Variants in SPARCL1 observed in about 807,000 individuals in gnomAD.
SPARCL1 encodes the protein SPARC like 1, also known as SPARC-like protein 1.
In SPARCL1, 52 loss-of-function variants were observed where a neutral mutation model predicts 67.1. The observed-to-expected ratio is 0.78, with a 90% CI of 0.62 to 0.98. The LOEUF is 0.98. Ranked by LOEUF, SPARCL1 falls within the 50% of genes least tolerant of loss-of-function variation. The probability of loss-of-function intolerance (pLI) is 0.00; values close to 1 mark genes in which losing one functional copy is unlikely to be tolerated. For missense variants in SPARCL1, 717 were observed against 782.4 expected (o/e 0.92, Z 1.00); for synonymous variants, 226 against 267.8 (o/e 0.84, Z 1.52).
chr4:87,503,825 T>C (rs1208572018), intron 1 of SPARCL1, among the ~76,000 whole-genome samples: 1 of 151,704 alleles, frequency 6.6e-6, no homozygotes, highest in Non-Finnish European at 1.5e-5. Context: ...ATAACAGACA[T>C]GTGCCACCAT....
At position 87,481,989 on chromosome 4, in the gene SPARCL1, G is replaced by A. The variant is rs116562654; in HGVS notation, c.1668+435C>T. Among the ~76,000 whole-genome samples, 1,272 of 152,222 alleles carry A rather than the reference G, an allele frequency of 8.4e-3. 16 individuals are homozygous for A. Among genetic ancestry groups the A allele is most frequent in the African/African-American group, 0.029 (1,208 of 41,556 alleles). Reference sequence around the variant, plus strand: ...AATGAATTTTCTCTGGAAGCTTTTGGAATCAATGTTCTGTGCTTTTTAATC... The same window carrying A: ...AATGAATTTTCTCTGGAAGCTTTTGAAATCAATGTTCTGTGCTTTTTAATC... On this transcript the variant is annotated intron_variant, in intron 8 of 10. Coordinates refer to ENST00000282470, the MANE Select transcript of SPARCL1 (RefSeq NM_004684.6).
At chr4:87,522,595 C>T (rs975659221) in intron 1 of SPARCL1, among the ~76,000 whole-genome samples, 3 of 151,078 alleles carry the variant, frequency 2.0e-5, no homozygotes, top group Non-Finnish European at 4.4e-5. Flanking sequence ...TTCACGCTGT[C>T]AGAATTCTCT....
chr4:87,503,656 A>G (rs1724939635), intron 1 of SPARCL1, among the ~76,000 whole-genome samples: 1 of 147,492 alleles, frequency 6.8e-6, no homozygotes, highest in South Asian at 2.2e-4. Context: ...TTTGGTTCTA[A>G]CTCAGCAAAT....
At chr4:87,499,663 C>T (rs1375809314) in intron 1 of SPARCL1, 78 bp from the exon 2 acceptor site, 1 of 1,014,476 alleles carries the variant, frequency 9.9e-7, no homozygotes, top group Admixed American at 2.3e-5. Context: ...TTAGCAAATA[C>T]TGAGCTTGAT....
In SPARCL1 at chr4:87,494,515, C is replaced by T. The variant is rs1305649748; in HGVS notation, c.285G>A (p.Leu95=). The T allele has an allele frequency of 1.4e-5, 22 of 1,614,170 alleles. No homozygotes were observed. Among genetic ancestry groups the T allele is most frequent in the Non-Finnish European group, 1.9e-5 (22 of 1,180,022 alleles). The change falls in exon 4 of 11, where the codon CTG becomes CTA. Residue 95 remains leucine (L), a synonymous_variant. Coordinates refer to ENST00000282470, the MANE Select transcript of SPARCL1 (RefSeq NM_004684.6). ...CACTGTCCTCTTGATCCTTCAATCC[C>T]AGCTCTTGGCTAGAACTCTTGCCCT... is the stretch of plus-strand genomic sequence containing the variant. ...AEQGKSSSQE[L]GLKDQEDSDG...
chr4:87,482,636 T>G, intron 7 of SPARCL1, 76 bp from the exon 8 acceptor site: 2 of 1,530,524 alleles, frequency 1.3e-6, no homozygotes, highest in South Asian at 2.3e-5. Context: ...ATAGGAAGCT[T>G]AACGACTTCT....
chr4:87,510,792 C>A (rs946136221), intron 1 of SPARCL1, among the ~76,000 whole-genome samples: 3 of 152,248 alleles, frequency 2.0e-5, no homozygotes, highest in Admixed American at 2.0e-4. Context: ...AAGGCAGTTG[C>A]CCTACGTGAT....
At chr4:87,514,939 T>C (rs956752955) in intron 1 of SPARCL1, among the ~76,000 whole-genome samples, 11 of 152,356 alleles carry the variant, frequency 7.2e-5, no homozygotes, top group Admixed American at 6.5e-4. Context: ...CATTTATTCT[T>C]GGATGAGTAA....
At chr4:87,498,023 T>G (rs1450533193) in intron 2 of SPARCL1, among the ~76,000 whole-genome samples, 1 of 152,194 alleles carries the variant, frequency 6.6e-6, no homozygotes, top group Non-Finnish European at 1.5e-5. Context: ...CCTCCCAAAG[T>G]GCTGGGATTA....
chr4:87,526,691 G>A (rs1054517915), intron 1 of SPARCL1, among the ~76,000 whole-genome samples: 5 of 152,184 alleles, frequency 3.3e-5, no homozygotes, highest in Non-Finnish European at 7.3e-5. Flanking sequence ...CATACACCTG[G>A]CATTCATATT....
At chr4:87,519,702 A>G (rs1725726768) in intron 1 of SPARCL1, among the ~76,000 whole-genome samples, 1 of 152,242 alleles carries the variant, frequency 6.6e-6, no homozygotes, top group South Asian at 2.1e-4. Flanking sequence ...TACAGAAGTG[A>G]CAGAGATTTG....
Position 87,524,904 on chromosome 4 carries a change from T to C in SPARCL1, c.-12+4141A>G, listed in dbSNP as rs1449994781. Reference sequence around the variant, plus strand: ...TCATCTTGGCATGGTGGCTCACACCTGTAATCCCAGCACCTTGGGAGCCTG... The same window carrying C: ...TCATCTTGGCATGGTGGCTCACACCCGTAATCCCAGCACCTTGGGAGCCTG... On this transcript the variant is annotated intron_variant, in intron 1 of 10. Coordinates refer to ENST00000282470, the MANE Select transcript of SPARCL1 (RefSeq NM_004684.6). 2.6e-5 allele frequency among the ~76,000 whole-genome samples: 4 copies of C among 152,162 alleles called. No homozygotes were observed. The East Asian group carries it at 7.7e-4, about 29-fold the overall frequency.
intron 10 of SPARCL1, among the ~76,000 whole-genome samples, chr4:87,478,439 ATT>A (rs71897053): frequency 0.22 from 30,974 of 138,562 alleles, 3,502 homozygotes; most frequent in South Asian, 0.42. Context: ...AACATCTTTC[ATT>A]TTTTTTTTTT....
At chr4:87,495,148 T>C (rs375691771) in intron 2 of SPARCL1, 21 bp from the exon 3 acceptor site, 58 of 1,595,256 alleles carry the variant, frequency 3.6e-5, no homozygotes, top group Non-Finnish European at 4.3e-5. Flanking sequence ...TAAAAACTGG[T>C]TTTTGTTATT....
chr4:87,491,831 G>A (rs1724342086), intron 4 of SPARCL1, 141 bp from the exon 5 acceptor site: 1 of 665,704 alleles, frequency 1.5e-6, no homozygotes, highest in South Asian at 1.7e-5. Context: ...CAGGCTGGGT[G>A]TGGTGGCTCA....
chr4:87,494,627 A>G (rs772774239), intron 3 of SPARCL1, 29 bp from the exon 4 acceptor site: 1 of 1,513,262 alleles, frequency 6.6e-7, no homozygotes, highest in Non-Finnish European at 8.9e-7. Flanking sequence ...TCATTCTTCA[A>G]ACAAATGATA....
intron 1 of SPARCL1, among the ~76,000 whole-genome samples, chr4:87,505,393 A>G (rs1050432254): frequency 3.4e-4 from 51 of 152,080 alleles, no homozygotes; most frequent in African/African-American, 1.2e-3. Context: ...AGCGATGATA[A>G]TTTAAAACAT....
At chr4:87,504,191 G>C (rs151193660) in intron 1 of SPARCL1, among the ~76,000 whole-genome samples, 1,926 of 140,048 alleles carry the variant, frequency 0.014, 24 homozygotes, top group African/African-American at 0.028. Flanking sequence ...GTGGTGGGGT[G>C]GGGGTGGGAG....
At chr4:87,515,739 C>A (rs180741244) in intron 1 of SPARCL1, among the ~76,000 whole-genome samples, 7 of 152,254 alleles carry the variant, frequency 4.6e-5, no homozygotes, top group Admixed American at 4.6e-4. Context: ...TATTGGCTGA[C>A]CCATGTACCA....
Sources: gnomAD v4.1 joint callset for allele counts (sites outside exome capture counted in the v4.1 genomes callset) on GRCh38, gnomAD v4.1.1 for gene constraint, MANE v1.5 for transcripts, NCBI Gene and HGNC (gene_info 2026-07-23, HGNC 2026-07-21) for gene names.